The following TNRC18 variants were observed in gnomAD, a reference collection of about 807,000 sequenced individuals.
The protein encoded by TNRC18 is trinucleotide repeat-containing gene 18 protein.
A neutral mutation model predicts 226.7 loss-of-function variants in TNRC18; 69 were observed. The ratio of observed to expected loss-of-function variants is 0.30; its 90% CI spans 0.25 to 0.37. TNRC18 has a LOEUF of 0.37. Ranked by LOEUF, TNRC18 falls within the 10% of genes least tolerant of loss-of-function variation. The pLI, the probability that TNRC18 is intolerant of heterozygous loss-of-function variation, is 1.00. For missense variants in TNRC18, 4,754 were observed against 4,256.6 expected (o/e 1.12, Z -3.25); for synonymous variants, 2,449 against 1,927.6 (o/e 1.27, Z -7.09).
At position 5,345,709 on chromosome 7, in the gene TNRC18, G is replaced by C; in HGVS notation, c.5572C>G (p.Pro1858Ala). 6.5e-7 allele frequency: 1 copy of C among 1,548,990 alleles called. No individual in the cohort carries two copies. Among genetic ancestry groups the C allele is most frequent in the South Asian group, 1.2e-5 (1 of 84,044 alleles). ...RLGARERALSPGLEESGLGLL... is the reference protein window; with the variant it reads ...RLGARERALSAGLEESGLGLL... ...CCCAGCCCACTCTCCTCCAGGCCCGGTGACAGGGCCCGCTCCCGGGCACCC... is the reference window on the plus strand; with the variant it reads ...CCCAGCCCACTCTCCTCCAGGCCCGCTGACAGGGCCCGCTCCCGGGCACCC... Residue 1858 changes from proline to alanine, a missense_variant, in exon 18 of 30, where the codon CCG becomes GCG. By Grantham distance (27) the Pro-to-Ala change is conservative. Coordinates refer to ENST00000430969, the MANE Select transcript of TNRC18 (RefSeq NM_001080495.3).
chr7:5,410,860 C>CAAAA (rs34320785), intron 2 of TNRC18, among the ~76,000 whole-genome samples: 8 of 37,166 alleles, frequency 2.2e-4, no homozygotes, highest in African/African-American at 3.6e-4. Flanking sequence ...GACTCCATCT[C>CAAAA]AAAAAAAAAA....
intron 2 of TNRC18, among the ~76,000 whole-genome samples, chr7:5,403,563 C>A (rs1244114471): frequency 6.6e-6 from 1 of 151,136 alleles, no homozygotes; most frequent in African/African-American, 2.5e-5. Flanking sequence ...GAGGCTGAGG[C>A]AGGAGTCGTT....
intron 24 of TNRC18, 45 bp from the exon 25 acceptor site, chr7:5,316,117 C>T: frequency 6.7e-7 from 1 of 1,482,996 alleles, no homozygotes; most frequent in Non-Finnish European, 9.3e-7. Context: ...GGACCTCCAG[C>T]TCCCTAGTGA....
At position 5,320,291 on chromosome 7, in the gene TNRC18, G is replaced by A. The variant is rs1254353526; in HGVS notation, c.6745+27C>T. ...TCCATACTGAGATGTTAGGCGGCAG[G>A]GGAGAGCTGGGGAGGAGGCATCTCA... is the stretch of plus-strand genomic sequence containing the variant. On this transcript the variant is annotated intron_variant, in intron 24 of 29. Coordinates refer to ENST00000430969, the MANE Select transcript of TNRC18 (RefSeq NM_001080495.3). 2.0e-6 allele frequency: 3 copies of A among 1,523,872 alleles called. 1 individual carries two copies. The highest frequency in any genetic ancestry group is 2.7e-6 in the Non-Finnish European group (3 of 1,122,984). The allele number at this position is 1,523,872 out of a possible 1,614,324, so 94.4% of individuals were successfully genotyped here.
chr7:5,404,574 T>C (rs1464092569), intron 2 of TNRC18, among the ~76,000 whole-genome samples: 2 of 152,054 alleles, frequency 1.3e-5, no homozygotes, highest in Non-Finnish European at 1.5e-5. Flanking sequence ...ACTGAGCCAA[T>C]TCATCTCCAG....
In TNRC18 at chr7:5,307,068, C is replaced by T. The variant is rs546048583; in HGVS notation, c.*1038G>A. 1 of 135,938 alleles carries T rather than the reference C, an allele frequency of 7.4e-6. No homozygotes were observed. The highest frequency in any genetic ancestry group is 1.5e-5 in the Non-Finnish European group (1 of 65,500). The allele number at this position is 135,938 out of a possible 1,614,324, so 8.4% of individuals were successfully genotyped here. A position where few individuals can be genotyped will look rare whatever the true frequency, so the allele number is the denominator to read the frequency against. The stretch of plus-strand genomic sequence containing the variant: ...CTCCCTCTTCTCTCCCTAACAAACA[C>T]TTCTCTATCCTGGGGGGTGAGTACA... On this transcript the variant is annotated 3_prime_UTR_variant, in exon 30 of 30. Coordinates refer to ENST00000430969, the MANE Select transcript of TNRC18 (RefSeq NM_001080495.3).
chr7:5,327,717 CG>C (rs1789079262), intron 19 of TNRC18, among the ~76,000 whole-genome samples: 1 of 152,026 alleles, frequency 6.6e-6, no homozygotes, highest in African/African-American at 2.4e-5. Flanking sequence ...TGAAAACCCA[CG>C]GCTGGGTGCC....
intron 11 of TNRC18, among the ~76,000 whole-genome samples, chr7:5,365,997 G>C (rs1159137564): frequency 1.3e-5 from 2 of 152,124 alleles, no homozygotes; most frequent in Admixed American, 1.3e-4. Flanking sequence ...CTTGAACCTG[G>C]GAGGCGGAGA....
chr7:5,314,334 G>A lies in TNRC18; in HGVS notation c.7028-471C>T, dbSNP rs192451649. Among the ~76,000 whole-genome samples the A allele has an allele frequency of 9.9e-5, 15 of 152,142 alleles. No homozygotes were observed. In the East Asian group the frequency reaches 2.9e-3, roughly 29 times the overall value. ...GCAGAACCTGGCTGCAGCCTTCTTA[G>A]GCCTCCTTCGGCGGTTCCCCTATAA... On this transcript the variant is annotated intron_variant, in intron 26 of 29. Coordinates refer to ENST00000430969, the MANE Select transcript of TNRC18 (RefSeq NM_001080495.3).
intron 4 of TNRC18, 135 bp from the exon 5 acceptor site, chr7:5,389,471 T>TTTCTTTTTTTTTTC (rs549108764): frequency 1.1e-6 from 1 of 923,914 alleles, no homozygotes; most frequent in Non-Finnish European, 1.4e-6. Flanking sequence ...GTTTTTTTTT[T>TTTCTTTTTTTTTTC]CAGAAAGAGT....
Position 5,378,005 on chromosome 7 carries a change from C to G in TNRC18, c.2172G>C (p.Glu724Asp). 6.2e-7 allele frequency: 1 copy of G among 1,612,110 alleles called. No homozygotes were observed. The highest frequency in any genetic ancestry group is 8.5e-7 in the Non-Finnish European group (1 of 1,179,744). ...GTCTGGCCCGGTCGTCCACACAGTC[C>G]TCATCTGCTCGGCCGTGCCCTGCAG... ...SNVKGHGRAD[E>D]DCVDDRARHR... is the part of the protein sequence containing the mutation. The change falls in exon 6 of 30, where the codon GAG becomes GAC. Residue 724 changes from glutamate to aspartate, a missense_variant. Physicochemically the swap from Glu to Asp is conservative, Grantham distance 45. Coordinates refer to ENST00000430969, the MANE Select transcript of TNRC18 (RefSeq NM_001080495.3).
rs1457148247 is a variant in TNRC18, at chr7:5,307,467, C to G, written c.*639G>C. ...GTTTTCTGTAGTGTGAGGGTTTGGA[C>G]CAGGGTGGGCCTGTGCCGGGCCCTC... On this transcript the variant is annotated 3_prime_UTR_variant, in exon 30 of 30. Coordinates refer to ENST00000430969, the MANE Select transcript of TNRC18 (RefSeq NM_001080495.3). 2.4e-6 allele frequency: 1 copy of G among 418,816 alleles called. No homozygotes were observed. The highest frequency in any genetic ancestry group is 4.8e-6 in the Non-Finnish European group (1 of 207,150). 25.9% of individuals were successfully genotyped at this position (418,816 alleles called of 1,614,324 possible).
chr7:5,408,073 G>A (rs529473242), intron 2 of TNRC18, among the ~76,000 whole-genome samples: 1 of 152,232 alleles, frequency 6.6e-6, no homozygotes, highest in East Asian at 1.9e-4. Flanking sequence ...GGCGCAGTAG[G>A]GGTGGATCAC....
At chr7:5,313,985 G>A (rs1787583673) in intron 26 of TNRC18, 122 bp from the exon 27 acceptor site, 1 of 1,091,114 alleles carries the variant, frequency 9.2e-7, no homozygotes, top group Non-Finnish European at 1.2e-6. Flanking sequence ...TTTTTGAGAT[G>A]GGGTCTCAGT....
chr7:5,359,335 T>G (rs1792787440), intron 15 of TNRC18, 63 bp downstream of exon 15: 6 of 1,578,084 alleles, frequency 3.8e-6, no homozygotes, highest in South Asian at 1.1e-5. Context: ...GCGTGAACTC[T>G]TAACACACCC....
chr7:5,379,253 G>A (rs1160030848), intron 5 of TNRC18, among the ~76,000 whole-genome samples: 6 of 151,992 alleles, frequency 3.9e-5, no homozygotes, highest in Non-Finnish European at 8.8e-5. Flanking sequence ...AGGCGGGCAT[G>A]GTGGCATGCA....
At chr7:5,321,806 G>T (rs1178875622) in intron 21 of TNRC18, among the ~76,000 whole-genome samples, 1 of 151,718 alleles carries the variant, frequency 6.6e-6, no homozygotes, top group Non-Finnish European at 1.5e-5. Flanking sequence ...CAAGCAGCTG[G>T]AATTACAGGT....
chr7:5,354,937 C>A (rs181888445), intron 16 of TNRC18, among the ~76,000 whole-genome samples: 23 of 152,330 alleles, frequency 1.5e-4, no homozygotes, highest in Non-Finnish European at 8.8e-5. Context: ...CGACTTTTCG[C>A]CCTTGACAGT....
rs1163399634 is a variant in TNRC18 at position 5,423,717 on chromosome 7, C to G, written c.-520G>C. Among the ~76,000 whole-genome samples, 1 of 152,060 alleles carries G rather than the reference C, an allele frequency of 6.6e-6. No homozygotes were observed. The highest frequency in any genetic ancestry group is 6.5e-5 in the Admixed American group (1 of 15,276). On this transcript the variant is annotated 5_prime_UTR_variant, in exon 1 of 30. Coordinates refer to ENST00000430969, the MANE Select transcript of TNRC18 (RefSeq NM_001080495.3). The stretch of plus-strand genomic sequence containing the variant: ...CCAGCTTTCCTCCCGCCGAGCTCCC[C>G]GCTTTTTAATAAAATCCAGGTAGCG...
Sources: gnomAD v4.1 joint callset for allele counts (sites outside exome capture counted in the v4.1 genomes callset) on GRCh38, gnomAD v4.1.1 for gene constraint, MANE v1.5 for transcripts, NCBI Gene and HGNC (gene_info 2026-07-23, HGNC 2026-07-21) for gene names.